SYNE2: variants seen among roughly 807,000 people sequenced by gnomAD.
The protein encoded by SYNE2 is spectrin repeat containing nuclear envelope protein 2, also known as nesprin-2.
Under a neutral mutation model 856.3 loss-of-function variants are expected in SYNE2, and 431 were observed. The observed-to-expected ratio is 0.50, with a 90% CI of 0.47 to 0.55. SYNE2 has a LOEUF of 0.55. SYNE2 is among the 20% of genes least tolerant of loss of function. SYNE2 has a pLI of 0.00. For missense variants in SYNE2, 8,129 were observed against 8,023.2 expected (o/e 1.01, Z -0.50); for synonymous variants, 2,923 against 2,872.3 (o/e 1.02, Z -0.56).
intron 1 of SYNE2, among the ~76,000 whole-genome samples, chr14:63,828,675 G>T (rs1215993968): frequency 6.6e-6 from 1 of 151,996 alleles, no homozygotes; most frequent in African/African-American, 2.4e-5. Context: ...AGGTTGCAGT[G>T]AGCCAAGATC....
rs886050607 is a variant in SYNE2 at position 64,226,015 on chromosome 14, C to A, written c.*489C>A. ...TTAGAATCAGTTTTACTCCAATCAG[C>A]TGGCAATTTTGAGCTGCCGGTTATA... On this transcript the variant is annotated 3_prime_UTR_variant, in exon 116 of 116. Coordinates refer to ENST00000555002, the MANE Select transcript of SYNE2 (RefSeq NM_182914.3). 2 of 218,234 alleles carry A rather than the reference C, an allele frequency of 9.2e-6. No individual in the cohort carries two copies. Among genetic ancestry groups the A allele is most frequent in the Admixed American group, 5.1e-5 (1 of 19,518 alleles). 13.5% of individuals were successfully genotyped at this position (218,234 alleles called of 1,614,324 possible). A position where few individuals can be genotyped will look rare whatever the true frequency, so the allele number is the denominator to read the frequency against.
chr14:64,165,408 C>G lies in SYNE2; in HGVS notation c.16603C>G (p.Leu5535Val), dbSNP rs1461497746. The change falls in exon 90 of 116, where the codon CTG (leucine) becomes GTG (valine). Residue 5535 changes from leucine to valine, a missense_variant and splice_region_variant. This residue lies in a region of SYNE2 where 5,410 missense variants were observed against 5,284.8 expected (regional missense o/e 1.02). Transcript: ENST00000555002. ...GGAAAAAGAAAATCCTGACTCATTC[C>G]TGGTATTGCCAATATTTGTCTTTTC... ...QQEKENPDSFLNHVLALTAQS... is the reference protein window; with the variant it reads ...QQEKENPDSFVNHVLALTAQS... The G allele has an allele frequency of 6.8e-6, 11 of 1,613,422 alleles. No homozygotes were observed. The highest frequency in any genetic ancestry group is 3.4e-4 in the Middle Eastern group (2 of 5,850).
At chr14:64,061,417 A>T (rs142731392) in intron 49 of SYNE2, among the ~76,000 whole-genome samples, 2 of 152,350 alleles carry the variant, frequency 1.3e-5, no homozygotes, top group African/African-American at 4.8e-5. Context: ...CATTCAGAAC[A>T]AAAGGTTATG....
chr14:63,814,549 C>T lies in SYNE2; in HGVS notation c.-304-37952C>T, dbSNP rs992321698. On this transcript the variant is annotated intron_variant, in intron 1 of 23. Transcript: ENST00000674003. ...TATATCCATATATAATATATATATCCATTATATATAATATATATCCTTATA... is the reference window on the plus strand; with the variant it reads ...TATATCCATATATAATATATATATCTATTATATATAATATATATCCTTATA... Among the ~76,000 whole-genome samples the T allele has an allele frequency of 7.6e-4, 102 of 133,686 alleles. 1 individual carries two copies. The highest frequency in any genetic ancestry group is 2.6e-3 in the African/African-American group (96 of 36,282). 87.7% of individuals were successfully genotyped at this position (133,686 alleles called of 152,430 possible).
chr14:63,896,451 C>T (rs530739474), intron 1 of SYNE2, among the ~76,000 whole-genome samples: 2 of 152,318 alleles, frequency 1.3e-5, no homozygotes, highest in Admixed American at 6.5e-5. Context: ...AAGACAACAT[C>T]CAGGAATGGG....
chr14:64,002,173 C>A, intron 29 of SYNE2, 92 bp downstream of exon 29: 1 of 1,098,074 alleles, frequency 9.1e-7, no homozygotes, highest in Non-Finnish European at 1.4e-6. Context: ...TTCATGATAG[C>A]ATAGATTAAG....
intron 1 of SYNE2, among the ~76,000 whole-genome samples, chr14:63,887,791 C>A (rs2095032922): frequency 8.3e-6 from 1 of 121,192 alleles, no homozygotes; most frequent in Non-Finnish European, 1.6e-5. Context: ...CTTGCTCTGT[C>A]ATCTAGGCTG....
chr14:64,103,959 A>G (rs775966987), intron 64 of SYNE2, among the ~76,000 whole-genome samples: 9 of 152,210 alleles, frequency 5.9e-5, no homozygotes, highest in African/African-American at 1.9e-4. Context: ...CTGAACCTCA[A>G]TTATGACTTA....
chr14:64,177,424 A>G lies in SYNE2; in HGVS notation c.17497A>G (p.Ser5833Gly). The change falls in exon 96 of 116, where the codon AGT becomes GGT. Residue 5833 changes from serine (S) to glycine (G), a missense_variant. Physicochemically the swap from Ser to Gly is moderately conservative, Grantham distance 56 (BLOSUM62 0). Transcript: ENST00000555002. ...KSRLQVLKAQ[S>G]EDPLPELHED... is the part of the protein sequence containing the mutation. The stretch of plus-strand genomic sequence containing the variant: ...CAGGCTGCAAGTTTTAAAGGCACAA[A>G]GTGAAGATCCTCTTCCAGAGCTTCA... 6 of 1,614,216 alleles carry G rather than the reference A, an allele frequency of 3.7e-6. No homozygotes were observed. The highest frequency in any genetic ancestry group is 4.2e-6 in the Non-Finnish European group (5 of 1,180,030).
At chr14:63,938,810 CA>C (rs2095863350) in intron 2 of SYNE2, among the ~76,000 whole-genome samples, 1 of 152,076 alleles carries the variant, frequency 6.6e-6, no homozygotes, top group East Asian at 1.9e-4. Context: ...CGGGTTTCAT[CA>C]TCCGTGGAAG....
At position 63,977,888 on chromosome 14, in the gene SYNE2, G is replaced by A; in HGVS notation, c.1294-17G>A. On this transcript the variant is annotated splice_polypyrimidine_tract_variant and intron_variant, in intron 12 of 115. Transcript: ENST00000555002. ...TGGCAATAAGTATCGTTTATGTCAT[G>A]CTGAATTTCTTTTCAGAGCCTGATG... The A allele has an allele frequency of 1.9e-6, 3 of 1,540,922 alleles. No individual in the cohort carries two copies. Among genetic ancestry groups the A allele is most frequent in the Non-Finnish European group, 2.7e-6 (3 of 1,113,492 alleles).
intron 96 of SYNE2, 62 bp from the exon 97 acceptor site, chr14:64,186,362 G>A: frequency 6.2e-7 from 1 of 1,606,916 alleles, no homozygotes; most frequent in African/African-American, 1.3e-5. Flanking sequence ...TAGCCTACAG[G>A]TTTGGAAACA....
At chr14:63,879,179 GC>G (rs1217698251) in intron 1 of SYNE2, among the ~76,000 whole-genome samples, 1 of 152,178 alleles carries the variant, frequency 6.6e-6, no homozygotes, top group African/African-American at 2.4e-5. Context: ...CTTGAGTTGG[GC>G]TAATTTATCT....
rs377667268 is a variant in SYNE2 at position 64,026,027 on chromosome 14, T to G, written c.6253-552T>G. Among the ~76,000 whole-genome samples the G allele has an allele frequency of 5.1e-4, 78 of 152,328 alleles. No individual in the cohort carries two copies. The East Asian group carries it at 9.2e-3, about 18-fold the overall frequency. ...TGTAGGAGAACTGAAATCACATTCA[T>G]TGAAGCATTCTTAGAGGAAGAAATG... On this transcript the variant is annotated intron_variant, in intron 41 of 115. Coordinates refer to ENST00000555002, the MANE Select transcript of SYNE2 (RefSeq NM_182914.3).
intron 43 of SYNE2, among the ~76,000 whole-genome samples, chr14:64,028,191 C>T (rs534485748): frequency 8.1e-4 from 123 of 152,226 alleles, no homozygotes; most frequent in Non-Finnish European, 1.4e-3. Context: ...AGACGTGAGC[C>T]ACACCTGGCC....
chr14:64,188,587 A>G lies in SYNE2; in HGVS notation c.17750A>G (p.Asn5917Ser), dbSNP rs558184968. ...IRKQEIEDRL[N>S]TWVVFNEKNK... is the part of the protein sequence containing the mutation. Reference sequence around the variant, plus strand: ...AAACAGGAGATTGAAGACAGACTCAATACATGGGTTGTATTCAATGAAAAA... The same window carrying G: ...AAACAGGAGATTGAAGACAGACTCAGTACATGGGTTGTATTCAATGAAAAA... The change falls in exon 98 of 116, where the codon AAT (asparagine) becomes AGT (serine). Residue 5917 changes from asparagine (N) to serine (S), a missense_variant. Asn to Ser is a conservative substitution (Grantham distance 46). Coordinates refer to ENST00000555002, the MANE Select transcript of SYNE2 (RefSeq NM_182914.3). 1.2e-6 allele frequency: 2 copies of G among 1,614,244 alleles called. No homozygotes were observed. Among genetic ancestry groups the G allele is most frequent in the African/African-American group, 2.7e-5 (2 of 75,060 alleles).
At chr14:63,931,467 T>C (rs2095753950) in intron 2 of SYNE2, among the ~76,000 whole-genome samples, 1 of 151,504 alleles carries the variant, frequency 6.6e-6, no homozygotes, top group Non-Finnish European at 1.5e-5. Context: ...GGAGAATCAC[T>C]TGAACCTGGG....
In SYNE2 at chr14:64,216,394, C is replaced by CT. The variant is rs1314091823; in HGVS notation, c.19542+9dup. The CT allele has an allele frequency of 1.2e-6, 2 of 1,613,846 alleles. No homozygotes were observed. Among genetic ancestry groups the CT allele is most frequent in the African/African-American group, 2.7e-5 (2 of 74,916 alleles). On this transcript the variant is annotated splice_region_variant and intron_variant, in intron 108 of 115. Transcript: ENST00000555002. Reference sequence around the variant, plus strand: ...CCCTTATAAACCACCCTATGTAAGTCTTAACTTCACTGGGAGTACAGCCTA... The same window carrying CT: ...CCCTTATAAACCACCCTATGTAAGTCTTTAACTTCACTGGGAGTACAGCCTA...
chr14:64,023,940 T>C, intron 38 of SYNE2: 1 of 306,466 alleles, frequency 3.3e-6, no homozygotes, highest in Non-Finnish European at 6.3e-6. Context: ...AAATTCTTAT[T>C]TGGGCAACGT....
Sources: allele counts gnomAD v4.1 joint callset (sites outside exome capture counted in the v4.1 genomes callset), GRCh38; gene constraint gnomAD v4.1.1; regional missense constraint gnomAD v4.1.1; transcripts MANE v1.5; gene names NCBI Gene and HGNC (gene_info 2026-07-23, HGNC 2026-07-21).